Variants in CALN1 observed in about 807,000 individuals in gnomAD.
CALN1 encodes calcium-binding protein 8.
Under a neutral mutation model 30.6 loss-of-function variants are expected in CALN1, and 17 were observed. The ratio of observed to expected loss-of-function variants is 0.56; its 90% CI spans 0.38 to 0.83. The LOEUF is 0.83. Among genes scored for constraint, CALN1 ranks in the 40% least tolerant of loss-of-function variants. The pLI, the probability that CALN1 is intolerant of heterozygous loss-of-function variation, is 0.00. For synonymous variants in CALN1, 156 were observed against 131.4 expected (o/e 1.19, Z -1.28); for missense variants, 291 against 354.9 (o/e 0.82, Z 1.45).
At chr7:72,403,656 C>G (rs988216581) in intron 1 of CALN1, among the ~76,000 whole-genome samples, 12 of 152,182 alleles carry the variant, frequency 7.9e-5, no homozygotes, top group African/African-American at 2.9e-4. Flanking sequence ...GCACAACAAG[C>G]CAATAATGGG....
intron 2 of CALN1, among the ~76,000 whole-genome samples, chr7:72,335,746 G>A (rs1801979758): frequency 6.6e-6 from 1 of 152,218 alleles, no homozygotes. Context: ...AAAAAGAGCA[G>A]TGGGAAACGA....
At chr7:72,383,448 G>GT (rs1178472591) in intron 2 of CALN1, among the ~76,000 whole-genome samples, 1 of 152,142 alleles carries the variant, frequency 6.6e-6, no homozygotes, top group Non-Finnish European at 1.5e-5. Flanking sequence ...TTTAACTAGT[G>GT]TGAGGAGGTA....
intron 3 of CALN1, among the ~76,000 whole-genome samples, chr7:72,241,597 T>C (rs954238475): frequency 6.6e-6 from 1 of 152,048 alleles, no homozygotes; most frequent in African/African-American, 2.4e-5. Context: ...TCCCAGCTAC[T>C]TGGGAGGCTG....
At chr7:71,941,749 C>T (rs1179070792) in intron 5 of CALN1, among the ~76,000 whole-genome samples, 1 of 152,184 alleles carries the variant, frequency 6.6e-6, no homozygotes, top group Non-Finnish European at 1.5e-5. Context: ...ATCTAACAGG[C>T]AGTGTGTACT....
chr7:72,405,770 G>A (rs1230902165), intron 1 of CALN1, among the ~76,000 whole-genome samples: 1 of 152,076 alleles, frequency 6.6e-6, no homozygotes, highest in Admixed American at 6.6e-5. Context: ...TGCCATGGCA[G>A]TCCCCAGCAC....
chr7:72,401,244 G>C lies in CALN1; in HGVS notation c.119+2007C>G, dbSNP rs1554401086. 2.0e-5 allele frequency among the ~76,000 whole-genome samples: 3 copies of C among 152,272 alleles called. No individual in the cohort carries two copies. The South Asian group carries it at 6.2e-4, about 32-fold the overall frequency. On this transcript the variant is annotated intron_variant, in intron 2 of 6. Coordinates refer to ENST00000395275, the MANE Select transcript of CALN1 (RefSeq NM_031468.4). ...AAGGGCAGGAGGCAATGCACTCTGA[G>C]AGATAACATTACTGCTGAACCTAAG...
intron 5 of CALN1, among the ~76,000 whole-genome samples, chr7:71,880,181 A>T (rs1792483016): frequency 6.6e-6 from 1 of 152,210 alleles, no homozygotes; most frequent in Admixed American, 6.5e-5. Context: ...TCACATTCTC[A>T]AACAATTGCT....
At chr7:72,470,583 AG>A in the CALN1 span, among the ~76,000 whole-genome samples, 1 of 152,334 alleles carries the variant, frequency 6.6e-6, no homozygotes, top group African/African-American at 2.4e-5. Flanking sequence ...GACCTAAGCC[AG>A]GCAGTAGAAG....
chr7:72,106,795 A>G, intron 3 of CALN1, among the ~76,000 whole-genome samples: 1 of 44,716 alleles, frequency 2.2e-5, no homozygotes, highest in Non-Finnish European at 4.4e-5. Context: ...GGAGGGAGGA[A>G]GGAAGGGAGG....
Position 72,292,243 on chromosome 7 carries a change from A to C in CALN1, c.120-13433T>G, listed in dbSNP as rs1428536374. Among the ~76,000 whole-genome samples the C allele has an allele frequency of 4.6e-5, 7 of 151,900 alleles. No homozygotes were observed. In the East Asian group the frequency reaches 9.8e-4, roughly 21 times the overall value. ...TGGTTCTCAAGCCTGGAAGGCCAAA[A>C]TCAGGGTGCCAGCTTGATCAAATTC... On this transcript the variant is annotated intron_variant, in intron 2 of 6. Coordinates refer to ENST00000395275, the MANE Select transcript of CALN1 (RefSeq NM_031468.4).
the CALN1 span, among the ~76,000 whole-genome samples, chr7:72,466,866 A>AAAAGAAAG: frequency 1.3e-5 from 2 of 150,190 alleles, no homozygotes; most frequent in Non-Finnish European, 3.0e-5. Context: ...AAGAGAAAGA[A>AAAAGAAAG]AAAGAAAGAA....
intron 5 of CALN1, among the ~76,000 whole-genome samples, chr7:71,814,982 C>A (rs1032301612): frequency 2.0e-5 from 3 of 151,844 alleles, no homozygotes; most frequent in African/African-American, 7.3e-5. Context: ...TACAGGTGCC[C>A]GCCACCACGC....
chr7:72,213,491 A>T (rs1792557014), intron 3 of CALN1, among the ~76,000 whole-genome samples: 1 of 152,160 alleles, frequency 6.6e-6, no homozygotes. Context: ...TTTTGGGGTG[A>T]TGGAAATCTA....
chr7:72,407,966 T>TC (rs1489612649), intron 1 of CALN1, among the ~76,000 whole-genome samples: 1 of 152,078 alleles, frequency 6.6e-6, no homozygotes, highest in Non-Finnish European at 1.5e-5. Flanking sequence ...CCTGAGAGTA[T>TC]CCAAGAAGGG....
rs1406386600 is a variant in CALN1, at chr7:72,098,760, G to A, written c.388+7391C>T. Among the ~76,000 whole-genome samples the A allele has an allele frequency of 2.2e-4, 22 of 101,366 alleles. No individual in the cohort carries two copies. The East Asian group carries it at 2.6e-3, about 12-fold the overall frequency. The allele number at this position is 101,366 out of a possible 152,430, so 66.5% of individuals were successfully genotyped here. ...AACTCTGAGCAGTTCAGCCCATTTG[G>A]CGCGCACACACACACACACACACAC... On this transcript the variant is annotated intron_variant, in intron 4 of 6. Transcript: ENST00000395275.
chr7:72,275,419 C>G (rs1797269749), intron 3 of CALN1, among the ~76,000 whole-genome samples: 1 of 152,194 alleles, frequency 6.6e-6, no homozygotes, highest in Non-Finnish European at 1.5e-5. Flanking sequence ...TTTCCAGACC[C>G]TGCGTGCCTG....
chr7:72,152,979 G>C (rs1019198674), intron 3 of CALN1, among the ~76,000 whole-genome samples: 3 of 152,214 alleles, frequency 2.0e-5, no homozygotes, highest in Non-Finnish European at 4.4e-5. Context: ...TCTGAGCTAT[G>C]TCCCTTTCAT....
intron 5 of CALN1, among the ~76,000 whole-genome samples, chr7:71,834,653 G>C (rs139773761): frequency 6.9e-4 from 105 of 152,256 alleles, no homozygotes; most frequent in African/African-American, 2.4e-3. Context: ...TTAGTTCCCA[G>C]GGGAAGCCCT....
chr7:71,980,925 GAA>G (rs1177179740), intron 5 of CALN1, among the ~76,000 whole-genome samples: 2 of 151,998 alleles, frequency 1.3e-5, no homozygotes, highest in African/African-American at 4.8e-5. Context: ...CTCGACTCAG[GAA>G]AAGAGGCCAC....
Sources: gnomAD v4.1 joint callset for allele counts (sites outside exome capture counted in the v4.1 genomes callset) on GRCh38, gnomAD v4.1.1 for gene constraint, MANE v1.5 for transcripts, NCBI Gene and HGNC (gene_info 2026-07-23, HGNC 2026-07-21) for gene names.